Variants in REEP5 observed in about 807,000 individuals in gnomAD.
REEP5 encodes receptor expression-enhancing protein 5.
A neutral mutation model predicts 22.4 loss-of-function variants in REEP5; 24 were observed. The ratio of observed to expected loss-of-function variants is 1.07; its 90% CI spans 0.78 to 1.51. REEP5 has a LOEUF of 1.51. Ranked by LOEUF, REEP5 falls within the 40% of genes most tolerant of loss-of-function variation. The pLI is 0.00. For missense variants in REEP5, 252 were observed against 233.0 expected (o/e 1.08, Z -0.53); for synonymous variants, 103 against 88.6 (o/e 1.16, Z -0.92).
chr5:112,886,991 G>T (rs1198754703), intron 4 of REEP5, 24 bp downstream of exon 4: 7 of 1,559,436 alleles, frequency 4.5e-6, no homozygotes, highest in Non-Finnish European at 6.1e-6. Context: ...TCACATGTGG[G>T]GCCATCTTGT....
intron 1 of REEP5, 98 bp from the exon 2 acceptor site, chr5:112,921,354 T>C (rs1007605709): frequency 8.8e-7 from 1 of 1,138,548 alleles, no homozygotes; most frequent in Non-Finnish European, 1.3e-6. Context: ...GTTGTAGGAG[T>C]TTTCCTCTCG....
intron 4 of REEP5, among the ~76,000 whole-genome samples, chr5:112,883,723 G>A (rs1025228434): frequency 2.0e-5 from 3 of 152,146 alleles, no homozygotes; most frequent in Middle Eastern, 3.4e-3. Context: ...AATCCTTGTA[G>A]GTATCTAACA....
chr5:112,891,872 A>C, intron 3 of REEP5: 1 of 1,453,324 alleles, frequency 6.9e-7, no homozygotes, highest in Non-Finnish European at 9.7e-7. Context: ...AGATTACATG[A>C]GGAGTGGTTG....
In REEP5 at chr5:112,905,166, G is replaced by A. The variant is rs150056537; in HGVS notation, c.213-2648C>T. 3.4e-4 allele frequency among the ~76,000 whole-genome samples: 52 copies of A among 152,278 alleles called. 1 individual carries two copies. The highest frequency in any genetic ancestry group is 1.2e-3 in the African/African-American group (49 of 41,562). On this transcript the variant is annotated intron_variant, in intron 2 of 4. Coordinates refer to ENST00000379638, the MANE Select transcript of REEP5 (RefSeq NM_005669.5). ...CAAAACAAGAAAAAAGGGAAGAGAT[G>A]GTCTAGCTCACTCAGGAACGTGAGG...
intron 3 of REEP5, among the ~76,000 whole-genome samples, chr5:112,901,903 C>T (rs551718428): frequency 1.4e-5 from 2 of 147,264 alleles, no homozygotes; most frequent in African/African-American, 5.0e-5. Flanking sequence ...GTGGAGGTTG[C>T]AGTGAGCCAA....
Position 112,922,122 on chromosome 5 carries a change from C to T in REEP5, c.69G>A (p.Leu23=), listed in dbSNP as rs1561663073. ...LHEKNCMTDL[L]AKLEAKTGVN... ...CGCCGGTTTTGGCCTCGAGCTTGGC[C>T]AGAAGGTCAGTCATGCAGTTCTTCT... Residue 23 remains leucine (L), a synonymous_variant, in exon 1 of 5, where the codon CTG becomes CTA. Transcript: ENST00000379638. 1 of 1,605,936 alleles carries T rather than the reference C, an allele frequency of 6.2e-7. No individual in the cohort carries two copies. Among genetic ancestry groups the T allele is most frequent in the South Asian group, 1.1e-5 (1 of 89,936 alleles).
chr5:112,916,447 G>A (rs1248304407), intron 2 of REEP5, among the ~76,000 whole-genome samples: 2 of 152,200 alleles, frequency 1.3e-5, no homozygotes, highest in East Asian at 3.8e-4. Flanking sequence ...GCAAGCCTCT[G>A]CTGTCATAAG....
intron 2 of REEP5, among the ~76,000 whole-genome samples, chr5:112,916,700 C>G (rs1235639543): frequency 6.6e-6 from 1 of 152,128 alleles, no homozygotes; most frequent in Non-Finnish European, 1.5e-5. Context: ...ATTCAAAGAG[C>G]CACAAGGGAG....
chr5:112,894,053 C>G (rs1768595643), intron 3 of REEP5: 1 of 152,094 alleles, frequency 6.6e-6, no homozygotes, highest in Admixed American at 6.5e-5. Context: ...ACAGCAGACC[C>G]TGCAAGACCA....
At chr5:112,885,081 C>A in intron 4 of REEP5, 1 of 157,436 alleles carries the variant, frequency 6.4e-6, no homozygotes, top group Non-Finnish European at 1.4e-5. Context: ...CTGAATCAGG[C>A]TGGCCGTCAG....
intron 4 of REEP5, chr5:112,885,289 G>A: frequency 5.8e-6 from 1 of 173,054 alleles, no homozygotes; most frequent in South Asian, 1.1e-4. Context: ...CAGAAAGCAA[G>A]CTCAAATGAG....
At position 112,876,416 on chromosome 5, in the gene REEP5, T is replaced by C. The variant is rs976409430; in HGVS notation, c.*2370A>G. The C allele has an allele frequency of 2.6e-5, 4 of 152,354 alleles. No homozygotes were observed. Among genetic ancestry groups the C allele is most frequent in the East Asian group, 1.9e-4 (1 of 5,190 alleles). The allele number at this position is 152,354 out of a possible 1,614,324, so 9.4% of individuals were successfully genotyped here. A position where few individuals can be genotyped will look rare whatever the true frequency, so the allele number is the denominator to read the frequency against. On this transcript the variant is annotated 3_prime_UTR_variant, in exon 5 of 5. Coordinates refer to ENST00000379638, the MANE Select transcript of REEP5 (RefSeq NM_005669.5). The stretch of plus-strand genomic sequence containing the variant: ...GAGAACTCAATTTTATTTACATCTA[T>C]TTATTTCCATTCAGTGTATCACATC...
intron 2 of REEP5, among the ~76,000 whole-genome samples, chr5:112,905,926 T>G (rs975623465): frequency 6.6e-6 from 1 of 152,178 alleles, no homozygotes; most frequent in Non-Finnish European, 1.5e-5. Context: ...CCCAGGATAC[T>G]TATATACCTT....
chr5:112,915,229 A>G (rs1044032694), intron 2 of REEP5, among the ~76,000 whole-genome samples: 3 of 152,152 alleles, frequency 2.0e-5, no homozygotes, highest in African/African-American at 7.2e-5. Flanking sequence ...AAAAGCTCAT[A>G]AGGAACATTC....
At position 112,902,537 on chromosome 5, in the gene REEP5, G is replaced by T. The variant is rs1768875398; in HGVS notation, c.213-19C>A. 6.4e-7 allele frequency: 1 copy of T among 1,558,438 alleles called. No individual in the cohort carries two copies. The highest frequency in any genetic ancestry group is 8.6e-7 in the Non-Finnish European group (1 of 1,156,556). ...TTTAATTCTGAAAGGCAGTACAAAA[G>T]AAAGTATATCATTTGGTAAGATATC... On this transcript the variant is annotated intron_variant, in intron 2 of 4. Coordinates refer to ENST00000379638, the MANE Select transcript of REEP5 (RefSeq NM_005669.5).
In REEP5 at chr5:112,876,456, T is replaced by TAACA. The variant is rs1291326307; in HGVS notation, c.*2326_*2329dup. 3 of 152,236 alleles carry TAACA rather than the reference T, an allele frequency of 2.0e-5. No individual in the cohort carries two copies. The highest frequency in any genetic ancestry group is 6.5e-5 in the Admixed American group (1 of 15,278). The allele number at this position is 152,236 out of a possible 1,614,324, so 9.4% of individuals were successfully genotyped here. A position where few individuals can be genotyped will look rare whatever the true frequency, so the allele number is the denominator to read the frequency against. On this transcript the variant is annotated 3_prime_UTR_variant, in exon 5 of 5. Coordinates refer to ENST00000379638, the MANE Select transcript of REEP5 (RefSeq NM_005669.5). ...TGTATCACATCTTCAGGATAGGTGATAACAGTGTGAAGGGTGTGCTCATTT... is the reference window on the plus strand; with the variant it reads ...TGTATCACATCTTCAGGATAGGTGATAACAAACAGTGTGAAGGGTGTGCTCATTT...
At position 112,878,040 on chromosome 5, in the gene REEP5, A is replaced by C. The variant is rs1306182361; in HGVS notation, c.*746T>G. 9.6e-6 allele frequency: 1 copy of C among 104,008 alleles called. No homozygotes were observed. The highest frequency in any genetic ancestry group is 2.2e-5 in the Non-Finnish European group (1 of 44,882). The allele number at this position is 104,008 out of a possible 1,614,324, so 6.4% of individuals were successfully genotyped here. ...GTGTGTGTAAATTTCCCGATTTATC[A>C]CTAGAGTGAGTAACTAACTAACTAA... On this transcript the variant is annotated 3_prime_UTR_variant, in exon 5 of 5. Coordinates refer to ENST00000379638, the MANE Select transcript of REEP5 (RefSeq NM_005669.5).
In REEP5 at chr5:112,877,177, T is replaced by C. The variant is rs1298557524; in HGVS notation, c.*1609A>G. The C allele has an allele frequency of 6.6e-6, 1 of 152,206 alleles. No individual in the cohort carries two copies. The highest frequency in any genetic ancestry group is 1.5e-5 in the Non-Finnish European group (1 of 68,022). 9.4% of individuals were successfully genotyped at this position (152,206 alleles called of 1,614,324 possible). ...CCACTGTTTTCCTCCCCAAAATAAA[T>C]GCTCTGATCCATATTATATTAGAGT... On this transcript the variant is annotated 3_prime_UTR_variant, in exon 5 of 5. Transcript: ENST00000379638.
intron 3 of REEP5, 68 bp downstream of exon 3, chr5:112,902,312 A>C (rs1651204015): frequency 6.9e-7 from 1 of 1,445,058 alleles, no homozygotes; most frequent in East Asian, 2.4e-5. Context: ...ACAACATTCA[A>C]GCATTTATTC....
Sources: allele counts gnomAD v4.1 joint callset (sites outside exome capture counted in the v4.1 genomes callset), GRCh38; gene constraint gnomAD v4.1.1; transcripts MANE v1.5; gene names NCBI Gene and HGNC (gene_info 2026-07-23, HGNC 2026-07-21).